NEK11: variants seen among roughly 807,000 people sequenced by gnomAD.
NEK11 encodes serine/threonine-protein kinase Nek11.
A neutral mutation model predicts 80.7 loss-of-function variants in NEK11; 72 were observed. The ratio of observed to expected loss-of-function variants is 0.89; its 90% confidence interval spans 0.74 to 1.08. The LOEUF is 1.08. Among genes scored for constraint, NEK11 ranks in the 50% least tolerant of loss-of-function variants. The pLI is 0.00. For missense variants in NEK11, 764 were observed against 763.6 expected (o/e 1.00, Z -0.01); for synonymous variants, 251 against 260.7 (o/e 0.96, Z 0.36).
intron 17 of NEK11, among the ~76,000 whole-genome samples, chr3:131,311,463 C>G (rs1007372888): frequency 6.6e-6 from 1 of 152,090 alleles, no homozygotes; most frequent in Non-Finnish European, 1.5e-5. Context: ...ACTTACTAGT[C>G]CTGTAGCTTT....
chr3:131,207,987 A>G (rs929596736), intron 14 of NEK11, among the ~76,000 whole-genome samples: 3 of 152,052 alleles, frequency 2.0e-5, no homozygotes, highest in Non-Finnish European at 4.4e-5. Flanking sequence ...CCATTTGTCT[A>G]TTTTGGCTTT....
rs139837453 is a variant in NEK11, at chr3:131,164,147, G to A, written c.1083-1279G>A. Reference sequence around the variant, plus strand: ...AACATTTGCTTTCTTTAATAAATTGGTAGAGAAAGATTTCCATGAAAGTAC... The same window carrying A: ...AACATTTGCTTTCTTTAATAAATTGATAGAGAAAGATTTCCATGAAAGTAC... On this transcript the variant is annotated intron_variant, in intron 11 of 17. Transcript: ENST00000383366. 8.1e-3 allele frequency among the ~76,000 whole-genome samples: 1,237 copies of A among 152,274 alleles called. 16 individuals are homozygous for A. The highest frequency in any genetic ancestry group is 0.028 in the African/African-American group (1,156 of 41,540).
chr3:131,339,219 T>C (rs1582391009), intron 17 of NEK11, among the ~76,000 whole-genome samples: 1 of 152,206 alleles, frequency 6.6e-6, no homozygotes, highest in South Asian at 2.1e-4. Context: ...AAGTGTCTAT[T>C]TTCTTCTGGC....
Position 131,289,138 on chromosome 3 carries a change from C to A in NEK11, c.1718+15564C>A, listed in dbSNP as rs76473669. 2.6e-5 allele frequency among the ~76,000 whole-genome samples: 4 copies of A among 152,290 alleles called. No individual in the cohort carries two copies. The East Asian group carries it at 7.7e-4, about 29-fold the overall frequency. On this transcript the variant is annotated intron_variant, in intron 17 of 17. Coordinates refer to ENST00000383366, the MANE Select transcript of NEK11 (RefSeq NM_024800.5). The stretch of plus-strand genomic sequence containing the variant: ...ATCAAGGTGCCAGCAGGTTTGGTTT[C>A]TCCTCAGGGCTCTCTCCTTAGCTTA...
intron 16 of NEK11, among the ~76,000 whole-genome samples, chr3:131,249,704 G>A (rs562934530): frequency 1.3e-5 from 2 of 152,120 alleles, no homozygotes; most frequent in African/African-American, 4.8e-5. Flanking sequence ...CTCTTTAGAA[G>A]ATATCTCTCT....
At chr3:131,028,257 G>C (rs2064195985) in intron 2 of NEK11, among the ~76,000 whole-genome samples, 2 of 152,144 alleles carry the variant, frequency 1.3e-5, no homozygotes, top group African/African-American at 4.8e-5. Flanking sequence ...CTTATGTTCT[G>C]TTTTGAGGAT....
chr3:131,078,936 G>A (rs2074819892), intron 3 of NEK11, among the ~76,000 whole-genome samples: 4 of 145,582 alleles, frequency 2.7e-5, no homozygotes, highest in African/African-American at 7.7e-5. Flanking sequence ...TTATTTTTTA[G>A]GACCTAGTTT....
intron 7 of NEK11, among the ~76,000 whole-genome samples, chr3:131,141,476 G>A (rs1022126551): frequency 2.0e-5 from 3 of 152,168 alleles, no homozygotes; most frequent in Non-Finnish European, 2.9e-5. Flanking sequence ...GAAAGAAAGT[G>A]GCTGGCCAGA....
chr3:131,341,482 G>T (rs1023268671), intron 17 of NEK11, among the ~76,000 whole-genome samples: 1 of 152,126 alleles, frequency 6.6e-6, no homozygotes, highest in Non-Finnish European at 1.5e-5. Context: ...ATGAGAGCCT[G>T]GGAAGAATGT....
chr3:131,291,851 T>C (rs375218930), intron 17 of NEK11, among the ~76,000 whole-genome samples: 3 of 152,212 alleles, frequency 2.0e-5, no homozygotes, highest in African/African-American at 7.2e-5. Flanking sequence ...TAGCCCCTTA[T>C]CAGATAAGTG....
intron 7 of NEK11, among the ~76,000 whole-genome samples, chr3:131,143,735 T>G (rs2149717595): frequency 6.6e-6 from 1 of 151,916 alleles, no homozygotes; most frequent in East Asian, 1.9e-4. Flanking sequence ...CCTTAAGTAC[T>G]ATTACTTCAA....
At chr3:131,042,078 T>C (rs1283031447) in intron 3 of NEK11, among the ~76,000 whole-genome samples, 1 of 152,220 alleles carries the variant, frequency 6.6e-6, no homozygotes, top group Admixed American at 6.5e-5. Context: ...GCTCAGCCAC[T>C]ATACCTTTCC....
At chr3:131,305,676 A>T (rs2096716279) in intron 17 of NEK11, among the ~76,000 whole-genome samples, 1 of 152,126 alleles carries the variant, frequency 6.6e-6, no homozygotes, top group East Asian at 1.9e-4. Context: ...TGCCAGCTCA[A>T]GTGTCCTTTG....
chr3:131,348,949 C>T lies in NEK11; in HGVS notation c.1719-608C>T, dbSNP rs118076060. Among the ~76,000 whole-genome samples the T allele has an allele frequency of 1.5e-3, 221 of 151,266 alleles. 1 individual carries two copies. In the East Asian group the frequency reaches 0.016, roughly 11 times the overall value. On this transcript the variant is annotated intron_variant, in intron 17 of 17. Transcript: ENST00000383366. ...AACTATTCTCCCCCTCATTTTCCTC[C>T]TCCTCCTCCTCATTATTATTTTGTT...
intron 17 of NEK11, chr3:131,330,716 C>T (rs1460108823): frequency 6.6e-6 from 1 of 152,128 alleles, no homozygotes; most frequent in African/African-American, 2.4e-5. Context: ...CACAAGATTC[C>T]AACATGGTTT....
chr3:131,266,584 T>C (rs2096063299), intron 16 of NEK11, among the ~76,000 whole-genome samples: 1 of 152,236 alleles, frequency 6.6e-6, no homozygotes. Context: ...TGTTATGATT[T>C]CCATTCTTTT....
intron 5 of NEK11, among the ~76,000 whole-genome samples, chr3:131,128,270 A>C (rs1370082369): frequency 6.6e-6 from 1 of 152,130 alleles, no homozygotes; most frequent in Non-Finnish European, 1.5e-5. Flanking sequence ...TAGTATCATA[A>C]AGTTGTTGCA....
intron 15 of NEK11, among the ~76,000 whole-genome samples, chr3:131,241,089 A>G (rs1002753815): frequency 1.3e-5 from 2 of 152,204 alleles, no homozygotes; most frequent in Non-Finnish European, 2.9e-5. Context: ...GACAGAGAGC[A>G]TATTTTAATA....
chr3:131,245,301 TTGTGTGTGTGTGTG>T (rs4044352), intron 16 of NEK11, among the ~76,000 whole-genome samples: 1 of 140,736 alleles, frequency 7.1e-6, no homozygotes, highest in Admixed American at 7.1e-5. Context: ...TAGTATTCCA[TTGTGTGTGTGTGTG>T]TGTGTGTGTG....
Sources: gnomAD v4.1 joint callset for allele counts (sites outside exome capture counted in the v4.1 genomes callset) on GRCh38, gnomAD v4.1.1 for gene constraint, MANE v1.5 for transcripts, NCBI Gene and HGNC (gene_info 2026-07-23, HGNC 2026-07-21) for gene names.